The following VAPB variants were observed in gnomAD, a reference collection of about 807,000 sequenced individuals.
VAPB encodes vesicle-associated membrane protein-associated protein B/C.
Under a neutral mutation model 25.6 loss-of-function variants are expected in VAPB, and 7 were observed. The ratio of observed to expected loss-of-function variants is 0.27; its 90% CI spans 0.16 to 0.51. VAPB has a LOEUF of 0.51. Among genes scored for constraint, VAPB ranks in the 20% least tolerant of loss-of-function variants. VAPB has a pLI of 0.97. For missense variants in VAPB, 266 were observed against 301.3 expected (o/e 0.88, Z 0.87); for synonymous variants, 112 against 109.2 (o/e 1.03, Z -0.16).
intron 3 of VAPB, 37 bp downstream of exon 3, chr20:58,434,742 A>T (rs756072269): frequency 2.0e-6 from 2 of 1,023,252 alleles, no homozygotes; most frequent in South Asian, 2.5e-5. Flanking sequence ...TTCAGTAACA[A>T]TAATTTAAAA....
chr20:58,428,528 T>TA (rs1988858035), intron 2 of VAPB, among the ~76,000 whole-genome samples: 1 of 152,164 alleles, frequency 6.6e-6, no homozygotes, highest in African/African-American at 2.4e-5. Flanking sequence ...GGCAGGCACC[T>TA]ATAGTCCTAG....
At chr20:58,437,494 C>CA (rs889853203) in intron 3 of VAPB, among the ~76,000 whole-genome samples, 5 of 152,172 alleles carry the variant, frequency 3.3e-5, no homozygotes, top group African/African-American at 1.2e-4. Context: ...TGTCATAGCA[C>CA]AAAGCACATT....
chr20:58,398,316 T>A (rs556022408), intron 1 of VAPB, among the ~76,000 whole-genome samples: 1 of 152,358 alleles, frequency 6.6e-6, no homozygotes, highest in Non-Finnish European at 1.5e-5. Flanking sequence ...AATCGGGGAT[T>A]GTCTGTACAT....
intron 2 of VAPB, among the ~76,000 whole-genome samples, chr20:58,433,608 A>C (rs1988973316): frequency 1.3e-5 from 2 of 152,168 alleles, no homozygotes; most frequent in Admixed American, 1.3e-4. Flanking sequence ...ACCTTGGGCA[A>C]ATTCACCTCT....
At chr20:58,438,694 AG>A (rs1359174694) in intron 3 of VAPB, among the ~76,000 whole-genome samples, 2 of 152,200 alleles carry the variant, frequency 1.3e-5, no homozygotes, top group African/African-American at 4.8e-5. Flanking sequence ...CAACATGGGG[AG>A]CATTGGTTGA....
At chr20:58,396,886 A>G (rs1987969990) in intron 1 of VAPB, among the ~76,000 whole-genome samples, 1 of 151,658 alleles carries the variant, frequency 6.6e-6, no homozygotes, top group Non-Finnish European at 1.5e-5. Flanking sequence ...GTGGCTAGGT[A>G]ACTTTCTGCT....
At chr20:58,424,830 G>A (rs1001356521) in intron 2 of VAPB, among the ~76,000 whole-genome samples, 1 of 152,122 alleles carries the variant, frequency 6.6e-6, no homozygotes, top group Non-Finnish European at 1.5e-5. Flanking sequence ...CAGAATACAC[G>A]AACTGGAAAA....
intron 2 of VAPB, among the ~76,000 whole-genome samples, chr20:58,421,260 C>T (rs1568710668): frequency 6.6e-6 from 1 of 152,218 alleles, no homozygotes; most frequent in African/African-American, 2.4e-5. Context: ...GCAGAATCAA[C>T]AGCATGGTAC....
Position 58,405,216 on chromosome 20 carries a change from A to G in VAPB, c.59-12995A>G, listed in dbSNP as rs147490348. ...ACTGAGACCTATATAAAATGAGTGTATGAACTGTGGAGACATTTGGGAAGA... is the reference window on the plus strand; with the variant it reads ...ACTGAGACCTATATAAAATGAGTGTGTGAACTGTGGAGACATTTGGGAAGA... On this transcript the variant is annotated intron_variant, in intron 1 of 5. Coordinates refer to ENST00000475243, the MANE Select transcript of VAPB (RefSeq NM_004738.5). Among the ~76,000 whole-genome samples, 393 of 152,298 alleles carry G rather than the reference A, an allele frequency of 2.6e-3. 2 individuals are homozygous for G. Among genetic ancestry groups the G allele is most frequent in the African/African-American group, 9.1e-3 (380 of 41,562 alleles).
chr20:58,389,606 C>T (rs1482117230), intron 1 of VAPB, 89 bp downstream of exon 1: 49 of 1,407,888 alleles, frequency 3.5e-5, no homozygotes, highest in Non-Finnish European at 4.6e-5. Flanking sequence ...GACGTCGGCC[C>T]TCGTCCCCAC....
chr20:58,440,990 T>C lies in VAPB; in HGVS notation c.480T>C (p.Ser160=). Residue 160 remains serine, a synonymous_variant, in exon 5 of 6, where the codon TCT becomes TCC. Coordinates refer to ENST00000475243, the MANE Select transcript of VAPB (RefSeq NM_004738.5). ...TAGTGTCTAAGTCTCTGAGTTCTTC[T>C]TTGGATGACACCGAAGTTAAGAAGG... ...TPIVSKSLSS[S]LDDTEVKKVM... is the part of the protein sequence containing the mutation. 1.2e-6 allele frequency: 2 copies of C among 1,613,546 alleles called. No individual in the cohort carries two copies. The highest frequency in any genetic ancestry group is 1.7e-6 in the Non-Finnish European group (2 of 1,179,486).
intron 1 of VAPB, among the ~76,000 whole-genome samples, chr20:58,417,852 C>A (rs1988578899): frequency 6.6e-6 from 1 of 152,152 alleles, no homozygotes; most frequent in Non-Finnish European, 1.5e-5. Context: ...TAGATGCAAG[C>A]CATCTGGTTA....
chr20:58,436,178 T>G (rs927502157), intron 3 of VAPB, among the ~76,000 whole-genome samples: 22 of 152,134 alleles, frequency 1.4e-4, no homozygotes, highest in East Asian at 1.9e-4. Flanking sequence ...CCTTGTATGA[T>G]GATATAAGTT....
At chr20:58,437,287 T>A (rs1989070231) in intron 3 of VAPB, among the ~76,000 whole-genome samples, 1 of 152,078 alleles carries the variant, frequency 6.6e-6, no homozygotes, top group Non-Finnish European at 1.5e-5. Flanking sequence ...CTTCTTTTTT[T>A]TTTTAAGAGT....
chr20:58,393,396 T>A (rs1159279848), intron 1 of VAPB, among the ~76,000 whole-genome samples: 1 of 142,928 alleles, frequency 7.0e-6, no homozygotes, highest in Admixed American at 6.7e-5. Context: ...TTTTTTAAAA[T>A]TGTCACTCTT....
intron 2 of VAPB, chr20:58,432,379 C>T (rs1988947074): frequency 1.3e-5 from 2 of 152,114 alleles, no homozygotes; most frequent in Non-Finnish European, 2.9e-5. Context: ...GGGAGTGGTG[C>T]AATAGCTGTT....
chr20:58,401,652 TCTC>T (rs1988098257), intron 1 of VAPB, among the ~76,000 whole-genome samples: 1 of 152,090 alleles, frequency 6.6e-6, no homozygotes, highest in Non-Finnish European at 1.5e-5. Context: ...CTCCCCCTCT[TCTC>T]CTTTCCCTGT....
At chr20:58,422,403 TG>T (rs1283093561) in intron 2 of VAPB, among the ~76,000 whole-genome samples, 2 of 152,226 alleles carry the variant, frequency 1.3e-5, no homozygotes, top group Non-Finnish European at 1.5e-5. Context: ...AAAGGGAGGT[TG>T]GAATTTTTTC....
Position 58,450,165 on chromosome 20 carries a change from T to C in VAPB, c.*5930T>C, listed in dbSNP as rs887583246. 8.8e-6 allele frequency: 4 copies of C among 454,044 alleles called. No homozygotes were observed. In the Admixed American group the frequency reaches 9.4e-5, roughly 11 times the overall value. 28.1% of individuals were successfully genotyped at this position (454,044 alleles called of 1,614,324 possible). ...TGCATTCCCGTCTTTCTTTTGTTTT[T>C]AAGAAATAGACTGAATTCAGCTGTT... On this transcript the variant is annotated 3_prime_UTR_variant, in exon 6 of 6. Transcript: ENST00000475243.
Sources: allele counts gnomAD v4.1 joint callset (sites outside exome capture counted in the v4.1 genomes callset), GRCh38; gene constraint gnomAD v4.1.1; transcripts MANE v1.5; gene names NCBI Gene and HGNC (gene_info 2026-07-23, HGNC 2026-07-21).